CNTNAP3B: variants seen among roughly 807,000 people sequenced by gnomAD.
CNTNAP3B encodes the protein contactin associated protein family member 3B.
CNTNAP3B carries 25 observed loss-of-function variants against 108.9 expected under a neutral mutation model. The ratio of observed to expected loss-of-function variants is 0.23; its 90% CI spans 0.17 to 0.32. The LOEUF is 0.32. Ranked by LOEUF, CNTNAP3B falls within the 10% of genes least tolerant of loss-of-function variation. CNTNAP3B has a pLI of 1.00. For synonymous variants in CNTNAP3B, 103 were observed against 473.4 expected, an observed-to-expected ratio of 0.22 and a Z score of 10.16; for missense variants, 252 against 1,210.4, an observed-to-expected ratio of 0.21 and a Z score of 11.75.
intron 1 of CNTNAP3B, among the ~76,000 whole-genome samples, chr9:42,115,053 C>CG (rs1828282700): frequency 7.6e-6 from 1 of 130,992 alleles, no homozygotes; most frequent in Admixed American, 7.7e-5. Context: ...GACTCCATAT[C>CG]GGAAAAAAAA....
rs1230592809 is a variant in CNTNAP3B, at chr9:42,097,399, T to C, written c.196+7230A>G. 2.9e-5 allele frequency among the ~76,000 whole-genome samples: 4 copies of C among 139,898 alleles called. 1 individual carries two copies. The highest frequency in any genetic ancestry group is 6.1e-5 in the Non-Finnish European group (4 of 65,138). The allele number at this position is 139,898 out of a possible 152,430, so 91.8% of individuals were successfully genotyped here. On this transcript the variant is annotated intron_variant, in intron 2 of 23. Transcript: ENST00000377561. ...TACCCCAGGTTAATAAAGATGCTTT[T>C]TATATTTGTATTTGAGTTGTGGTCA...
chr9:41,950,678 TA>T (rs779739255), intron 13 of CNTNAP3B, among the ~76,000 whole-genome samples: 3 of 150,236 alleles, frequency 2.0e-5, no homozygotes, highest in Non-Finnish European at 3.0e-5. Context: ...TCTTGAAGTT[TA>T]AAAAAACCCA....
intron 2 of CNTNAP3B, among the ~76,000 whole-genome samples, chr9:42,088,334 T>G (rs1292204364): frequency 7.7e-6 from 1 of 130,412 alleles, no homozygotes; most frequent in Non-Finnish European, 1.6e-5. Flanking sequence ...TCAAAAATTT[T>G]AAAAATAATT....
chr9:41,938,953 T>C (rs1244239817), intron 13 of CNTNAP3B, among the ~76,000 whole-genome samples: 1 of 152,174 alleles, frequency 6.6e-6, no homozygotes, highest in African/African-American at 2.4e-5. Context: ...GGAATGACAT[T>C]GATAGGCTTT....
In CNTNAP3B at chr9:42,119,477, T is replaced by TA. The variant is rs1828406868; in HGVS notation, c.85+9532dup. 1.6e-5 allele frequency among the ~76,000 whole-genome samples: 2 copies of TA among 127,094 alleles called. 1 individual carries two copies. The highest frequency in any genetic ancestry group is 6.4e-5 in the African/African-American group (2 of 31,110). The allele number at this position is 127,094 out of a possible 152,430, so 83.4% of individuals were successfully genotyped here. ...CTTTCTTCACAGAATTGGAAAAAAC[T>TA]ACTTTAAAGTTCATATGGAACCAAA... On this transcript the variant is annotated intron_variant, in intron 1 of 23. Transcript: ENST00000377561.
chr9:41,925,901 T>C (rs1823805336), intron 15 of CNTNAP3B, among the ~76,000 whole-genome samples: 1 of 152,282 alleles, frequency 6.6e-6, no homozygotes, highest in Non-Finnish European at 1.5e-5. Context: ...GTTTCTTTTT[T>C]AGCAGAGAAT....
intron 17 of CNTNAP3B, among the ~76,000 whole-genome samples, chr9:41,920,916 A>T (rs1231577671): frequency 1.3e-5 from 2 of 152,302 alleles, no homozygotes; most frequent in Non-Finnish European, 2.9e-5. Context: ...TGAATACTGC[A>T]TGCATGCACA....
intron 18 of CNTNAP3B, among the ~76,000 whole-genome samples, chr9:41,919,096 T>G (rs1318493342): frequency 4.0e-4 from 61 of 152,322 alleles, no homozygotes; most frequent in Non-Finnish European, 6.8e-4. Context: ...AATAAGTCAG[T>G]ACAGAGTACT....
Position 41,933,887 on chromosome 9 carries a change from C to G in CNTNAP3B, c.2237+4357G>C, listed in dbSNP as rs1264533368. Among the ~76,000 whole-genome samples the G allele has an allele frequency of 7.9e-5, 12 of 152,274 alleles. No homozygotes were observed. In the East Asian group the frequency reaches 9.6e-4, roughly 12 times the overall value. On this transcript the variant is annotated intron_variant, in intron 14 of 23. Transcript: ENST00000377561. ...CCGTAAAATTTGTTAAGATTCCATC[C>G]ATTTACAAAATTTTTTATACTTATT...
intron 3 of CNTNAP3B, among the ~76,000 whole-genome samples, chr9:42,056,692 G>A (rs553167212): frequency 3.0e-5 from 4 of 135,242 alleles, no homozygotes; most frequent in African/African-American, 1.2e-4. Context: ...CATGTGGAAT[G>A]CTTATCAATC....
At chr9:41,918,442 T>G (rs1823576543) in intron 18 of CNTNAP3B, among the ~76,000 whole-genome samples, 2 of 145,600 alleles carry the variant, frequency 1.4e-5, no homozygotes, top group South Asian at 4.3e-4. Flanking sequence ...TCCAAAAATG[T>G]GTTTAGTACA....
At chr9:41,983,253 T>C (rs1369919098) in intron 9 of CNTNAP3B, 1 of 130,794 alleles carries the variant, frequency 7.6e-6, no homozygotes, top group African/African-American at 3.1e-5. Context: ...GAATTATATA[T>C]GAATATACAT....
In CNTNAP3B at chr9:42,113,440, G is replaced by A. The variant is rs1188133865; in HGVS notation, c.86-8701C>T. Reference sequence around the variant, plus strand: ...AAAGTATATAATACGAGAATAAGACGAACCTATTTTTTTGAGACTTACTGC... The same window carrying A: ...AAAGTATATAATACGAGAATAAGACAAACCTATTTTTTTGAGACTTACTGC... On this transcript the variant is annotated intron_variant, in intron 1 of 23. Coordinates refer to ENST00000377561, the MANE Select transcript of CNTNAP3B (RefSeq NM_001201380.3). Among the ~76,000 whole-genome samples, 22 of 139,356 alleles carry A rather than the reference G, an allele frequency of 1.6e-4. 4 individuals are homozygous for A. The highest frequency in any genetic ancestry group is 6.4e-4 in the Admixed American group (9 of 14,040). The allele number at this position is 139,356 out of a possible 152,430, so 91.4% of individuals were successfully genotyped here.
At chr9:42,055,710 C>G (rs1172932240) in intron 3 of CNTNAP3B, among the ~76,000 whole-genome samples, 2 of 79,320 alleles carry the variant, frequency 2.5e-5, no homozygotes, top group Non-Finnish European at 2.5e-5. Flanking sequence ...AATGGTTCTT[C>G]AAGAAATCAT....
chr9:41,943,447 G>A (rs888082317), intron 13 of CNTNAP3B, among the ~76,000 whole-genome samples: 2 of 151,318 alleles, frequency 1.3e-5, no homozygotes, highest in East Asian at 1.9e-4. Flanking sequence ...CCGCCTCCTG[G>A]GTTCACGCCA....
At chr9:41,943,544 T>G (rs1304413345) in intron 13 of CNTNAP3B, among the ~76,000 whole-genome samples, 1 of 151,702 alleles carries the variant, frequency 6.6e-6, no homozygotes, top group African/African-American at 2.4e-5. Context: ...AGTAGAGACG[T>G]GGTTTCCCCG....
intron 13 of CNTNAP3B, among the ~76,000 whole-genome samples, chr9:41,948,482 T>G: frequency 6.7e-6 from 1 of 148,376 alleles, no homozygotes; most frequent in South Asian, 2.1e-4. Context: ...GCTACCAAAT[T>G]CATTTTATGT....
At chr9:41,934,122 T>TATATATATATATAC (rs1214326050) in intron 14 of CNTNAP3B, among the ~76,000 whole-genome samples, 39 of 73,422 alleles carry the variant, frequency 5.3e-4, no homozygotes, top group African/African-American at 1.6e-3. Flanking sequence ...TATATATATA[T>TATATATATATATAC]ACACACACAT....
At chr9:41,995,730 CAAAAAAAA>C (rs1167589988) in intron 7 of CNTNAP3B, among the ~76,000 whole-genome samples, 1 of 66,400 alleles carries the variant, frequency 1.5e-5, no homozygotes, top group Admixed American at 1.7e-4. Context: ...GACTCCGTCT[CAAAAAAAA>C]AAAAAAAAAA....
Sources: gnomAD v4.1 joint callset for allele counts (sites outside exome capture counted in the v4.1 genomes callset) on GRCh38, gnomAD v4.1.1 for gene constraint, MANE v1.5 for transcripts, NCBI Gene and HGNC (gene_info 2026-07-23, HGNC 2026-07-21) for gene names.